PCDH19: variants seen among roughly 807,000 people sequenced by gnomAD.
The protein encoded by PCDH19 is protocadherin-19.
Under a neutral mutation model 46.2 loss-of-function variants are expected in PCDH19, and 6 were observed. The observed-to-expected ratio is 0.13, with a 90% CI of 0.07 to 0.26. PCDH19 has a LOEUF of 0.26. PCDH19 is among the 10% of genes least tolerant of loss of function. The probability of loss-of-function intolerance (pLI) is 1.00; values close to 1 mark genes in which losing one functional copy is unlikely to be tolerated. For synonymous variants in PCDH19, 481 were observed against 415.7 expected, an observed-to-expected ratio of 1.16 and a Z score of -1.91; for missense variants, 740 against 972.3, an observed-to-expected ratio of 0.76 and a Z score of 3.18.
At chrX:100,377,375 T>C (rs753641561) in intron 3 of PCDH19, among the ~76,000 whole-genome samples, 17 of 112,216 alleles carry the variant, frequency 1.5e-4, no homozygotes, top group African/African-American at 4.9e-4. Context: ...GATACTAAAC[T>C]GTTTCTAGGA....
intron 5 of PCDH19, among the ~76,000 whole-genome samples, chrX:100,297,118 A>G (rs983799808): frequency 2.7e-5 from 3 of 111,346 alleles, no homozygotes; most frequent in Non-Finnish European, 5.7e-5. Context: ...CTAAAGGGAA[A>G]CACGTTATGA....
chrX:100,320,363 G>C (rs891227177), intron 5 of PCDH19, among the ~76,000 whole-genome samples: 1 of 112,159 alleles, frequency 8.9e-6, no homozygotes, highest in African/African-American at 3.2e-5. Flanking sequence ...AGATCACACA[G>C]AGTTAGTGGC....
At chrX:100,359,306 G>A (rs1358144648) in intron 3 of PCDH19, among the ~76,000 whole-genome samples, 1 of 111,577 alleles carries the variant, frequency 9.0e-6, no homozygotes, top group Non-Finnish European at 1.9e-5. Context: ...AGAGTCAGGG[G>A]ACTATAGTCC....
chrX:100,295,543 T>C lies in PCDH19; in HGVS notation c.*734A>G, dbSNP rs1924568751. On this transcript the variant is annotated 3_prime_UTR_variant, in exon 6 of 6. Coordinates refer to ENST00000373034, the MANE Select transcript of PCDH19 (RefSeq NM_001184880.2). ...GTATTCTCCAAGTACTCAATCTATA[T>C]GCATGGTGTTGCTCATTCATTTGCT... The C allele has an allele frequency of 8.9e-6, 1 of 112,399 alleles. No homozygotes were observed. The highest frequency in any genetic ancestry group is 1.9e-5 in the Non-Finnish European group (1 of 53,349). The allele number at this position is 112,399 out of a possible 1,213,427, so 9.3% of individuals were successfully genotyped here.
chrX:100,325,828 T>C (rs773708127), intron 5 of PCDH19, among the ~76,000 whole-genome samples: 239 of 112,267 alleles, frequency 2.1e-3, no homozygotes, highest in East Asian at 5.3e-3. Context: ...ACACAGTGCT[T>C]GCCTCTGTGT....
intron 3 of PCDH19, among the ~76,000 whole-genome samples, chrX:100,381,135 G>A (rs751560274): frequency 2.1e-4 from 23 of 112,131 alleles, no homozygotes; most frequent in Non-Finnish European, 3.6e-4. Flanking sequence ...GAGCAACGTA[G>A]AAGGTCCAAG....
chrX:100,342,906 C>A (rs1179494213), intron 4 of PCDH19, among the ~76,000 whole-genome samples: 1 of 111,852 alleles, frequency 8.9e-6, no homozygotes, highest in East Asian at 2.8e-4. Context: ...CCATGGAATG[C>A]CCAGATAGCT....
chrX:100,340,956 T>A (rs72615545), intron 5 of PCDH19, among the ~76,000 whole-genome samples: 4,821 of 111,778 alleles, frequency 0.043, 252 homozygotes, highest in East Asian at 0.25. Context: ...TCTCAAGACA[T>A]AGCCAAGCAT....
chrX:100,347,943 G>A (rs771221880), intron 4 of PCDH19, among the ~76,000 whole-genome samples: 1 of 107,099 alleles, frequency 9.3e-6, no homozygotes, highest in South Asian at 4.3e-4. Flanking sequence ...GCGCATGCCT[G>A]TAATCCCAGC....
At chrX:100,405,556 T>TC (rs1928319782) in intron 1 of PCDH19, among the ~76,000 whole-genome samples, 1 of 90,508 alleles carries the variant, frequency 1.1e-5, no homozygotes, top group African/African-American at 4.5e-5. Context: ...TCCCTCTCTC[T>TC]CTCCCTCCCC....
intron 5 of PCDH19, among the ~76,000 whole-genome samples, chrX:100,317,006 G>A (rs1347999522): frequency 8.9e-6 from 1 of 111,829 alleles, no homozygotes; most frequent in African/African-American, 3.3e-5. Context: ...TGCCATAACT[G>A]GAGCATATTT....
intron 5 of PCDH19, among the ~76,000 whole-genome samples, chrX:100,302,414 C>T (rs889926773): frequency 1.1e-4 from 12 of 111,532 alleles, no homozygotes; most frequent in African/African-American, 3.6e-4. Flanking sequence ...CACAGCACTT[C>T]CCTTTTATAA....
At chrX:100,363,886 T>TGAGAGAGA (rs1555980305) in intron 3 of PCDH19, among the ~76,000 whole-genome samples, 1 of 98,044 alleles carries the variant, frequency 1.0e-5, no homozygotes, top group Non-Finnish European at 2.0e-5. Context: ...TGTGTGTGTG[T>TGAGAGAGA]GAGAGAGAGG....
In PCDH19 at chrX:100,358,607, T is replaced by C. The variant is rs374852942; in HGVS notation, c.2617-7903A>G. Among the ~76,000 whole-genome samples the C allele has an allele frequency of 3.6e-5, 4 of 111,985 alleles. No individual in the cohort carries two copies. In the East Asian group the frequency reaches 8.5e-4, roughly 24 times the overall value. The stretch of plus-strand genomic sequence containing the variant: ...CCTAGCAGCTGTCTGCAGTAAACCA[T>C]ACAATTCAAAGCCTGCTGAAAGACG... On this transcript the variant is annotated intron_variant, in intron 3 of 5. Transcript: ENST00000373034.
At chrX:100,342,143 GGAT>G in intron 4 of PCDH19, 68 bp from the exon 5 acceptor site, 1 of 986,220 alleles carries the variant, frequency 1.0e-6, no homozygotes. Context: ...TTCTGAGCCA[GGAT>G]GATGTCGGCT....
In PCDH19 at chrX:100,311,011, TA is replaced by T. The variant is rs751135333; in HGVS notation, c.2849-14137del. 4.6e-3 allele frequency among the ~76,000 whole-genome samples: 439 copies of T among 94,977 alleles called. 3 individuals carry two copies. Among genetic ancestry groups the T allele is most frequent in the East Asian group, 0.014 (44 of 3,050 alleles). The allele number at this position is 94,977 out of a possible 115,157, so 82.5% of individuals were successfully genotyped here. ...GACTGCAGGCAGGTGCCTGGCTAAT[TA>T]AAAAAAAAAAAAAATTAGAGGCAGA... On this transcript the variant is annotated intron_variant, in intron 5 of 5. Transcript: ENST00000373034.
intron 5 of PCDH19, among the ~76,000 whole-genome samples, chrX:100,306,619 A>G (rs1184702802): frequency 9.0e-6 from 1 of 111,489 alleles, no homozygotes; most frequent in African/African-American, 3.3e-5. Flanking sequence ...GATAAATGAA[A>G]CAAAAACCTG....
chrX:100,367,923 G>A (rs1350000634), intron 3 of PCDH19, among the ~76,000 whole-genome samples: 1 of 111,027 alleles, frequency 9.0e-6, no homozygotes, highest in Non-Finnish European at 1.9e-5. Flanking sequence ...TGGTTTGGGG[G>A]AAGAGTTTGC....
At chrX:100,308,065 A>G (rs1925006460) in intron 5 of PCDH19, among the ~76,000 whole-genome samples, 1 of 111,285 alleles carries the variant, frequency 9.0e-6, no homozygotes, top group Non-Finnish European at 1.9e-5. Flanking sequence ...TATGGAACCA[A>G]AAAAGAGCCC....
Sources: gnomAD v4.1 joint callset for allele counts (sites outside exome capture counted in the v4.1 genomes callset) on GRCh38, gnomAD v4.1.1 for gene constraint, MANE v1.5 for transcripts, NCBI Gene and HGNC (gene_info 2026-07-23, HGNC 2026-07-21) for gene names.